TMEM30A: variants seen among roughly 807,000 people sequenced by gnomAD.
The protein encoded by TMEM30A is cell cycle control protein 50A.
A neutral mutation model predicts 38.2 loss-of-function variants in TMEM30A; 24 were observed. The ratio of observed to expected loss-of-function variants is 0.63; its 90% CI spans 0.46 to 0.88. The LOEUF (loss-of-function observed/expected upper bound fraction) is 0.88. TMEM30A is among the 40% of genes least tolerant of loss of function. The pLI is 0.00. For synonymous variants in TMEM30A, 145 were observed against 161.6 expected, an observed-to-expected ratio of 0.90 and a Z score of 0.78; for missense variants, 370 against 458.6, an observed-to-expected ratio of 0.81 and a Z score of 1.77.
At chr6:75,274,420 C>A (rs1489713769) in intron 1 of TMEM30A, among the ~76,000 whole-genome samples, 4 of 152,190 alleles carry the variant, frequency 2.6e-5, no homozygotes, top group African/African-American at 9.6e-5. Context: ...AACATTAAAA[C>A]TAGCCTCTCA....
At chr6:75,280,276 T>C (rs1436077610) in intron 1 of TMEM30A, among the ~76,000 whole-genome samples, 1 of 152,192 alleles carries the variant, frequency 6.6e-6, no homozygotes, top group African/African-American at 2.4e-5. Context: ...AATGCTAACT[T>C]TGCTGGTATG....
chr6:75,273,401 T>G lies in TMEM30A; in HGVS notation c.238-5653A>C, dbSNP rs543787308. ...ATGAATGCCTCTATGGTCCCAGCAA[T>G]GAGGATTCAGCCTAGCACCTGACCT... is the stretch of plus-strand genomic sequence containing the variant. On this transcript the variant is annotated intron_variant, in intron 1 of 6. Transcript: ENST00000230461. Among the ~76,000 whole-genome samples the G allele has an allele frequency of 5.6e-4, 85 of 151,808 alleles. 1 individual carries two copies. Among genetic ancestry groups the G allele is most frequent in the African/African-American group, 1.8e-3 (76 of 41,392 alleles).
intron 1 of TMEM30A, among the ~76,000 whole-genome samples, chr6:75,278,002 G>A (rs985238322): frequency 9.9e-5 from 15 of 152,032 alleles, no homozygotes; most frequent in African/African-American, 3.6e-4. Flanking sequence ...GGAAAAAAGA[G>A]GTTGAAGAAA....
Position 75,284,411 on chromosome 6 carries a change from G to A in TMEM30A, c.228C>T (p.Arg76=). The change falls in exon 1 of 7, where the codon CGC becomes CGT. Residue 76 remains arginine, a synonymous_variant. Transcript: ENST00000230461. ...AGCTCCCTCCCCTCACCTCGATCTCGCGGATGTTGTTGGAGGTGACAAAAA... is the reference window on the plus strand; with the variant it reads ...AGCTCCCTCCCCTCACCTCGATCTCACGGATGTTGTTGGAGGTGACAAAAA... ...IGIFVTSNNI[R]EIEIDYTGTE... The A allele has an allele frequency of 6.2e-7, 1 of 1,614,022 alleles. No individual in the cohort carries two copies.
chr6:75,284,571 G>T lies in TMEM30A; in HGVS notation c.68C>A (p.Ala23Glu). 6.2e-7 allele frequency: 1 copy of T among 1,613,332 alleles called. No individual in the cohort carries two copies. The highest frequency in any genetic ancestry group is 8.5e-7 in the Non-Finnish European group (1 of 1,179,654). ...CGTGTTATCCGGTCTCCGAGTCTTC[G>T]CGGTGCCCCCCGGAGCACACGGGGG... ...GGPPCAPGGT[A>E]KTRRPDNTAF... The change falls in exon 1 of 7, where the codon GCG becomes GAG. Residue 23 changes from alanine (A) to glutamate (E), a missense_variant. Physicochemically the swap from Ala to Glu is moderately radical, Grantham distance 107. Transcript: ENST00000230461.
intron 1 of TMEM30A, among the ~76,000 whole-genome samples, chr6:75,269,097 A>C (rs1475101911): frequency 2.6e-5 from 4 of 152,162 alleles, no homozygotes; most frequent in African/African-American, 9.7e-5. Context: ...AACTTCCCCC[A>C]CTATCAACAT....
rs1227031459 is a variant in TMEM30A at position 75,255,358 on chromosome 6, A to C, written c.*744T>G. 1.3e-5 allele frequency: 2 copies of C among 152,580 alleles called. No homozygotes were observed. The highest frequency in any genetic ancestry group is 2.9e-5 in the Non-Finnish European group (2 of 67,996). 9.5% of individuals were successfully genotyped at this position (152,580 alleles called of 1,614,324 possible). A position where few individuals can be genotyped will look rare whatever the true frequency, so the allele number is the denominator to read the frequency against. On this transcript the variant is annotated 3_prime_UTR_variant, in exon 7 of 7. Coordinates refer to ENST00000230461, the MANE Select transcript of TMEM30A (RefSeq NM_018247.4). The stretch of plus-strand genomic sequence containing the variant: ...TCTTCCCTTATAAAGTATAAGCTTC[A>C]AGGGAAATGATTACATATAAAAACA...
intron 2 of TMEM30A, 47 bp downstream of exon 2, chr6:75,267,594 A>AT (rs1297725812): frequency 7.1e-7 from 1 of 1,401,770 alleles, no homozygotes; most frequent in South Asian, 1.2e-5. Flanking sequence ...CAGTATCAGT[A>AT]TTTTTTAAAG....
intron 2 of TMEM30A, among the ~76,000 whole-genome samples, chr6:75,267,144 G>A (rs1160693345): frequency 6.6e-6 from 1 of 151,986 alleles, no homozygotes; most frequent in Non-Finnish European, 1.5e-5. Flanking sequence ...GCAAACAGAT[G>A]GATTTCTAAC....
chr6:75,267,285 T>C (rs1156954580), intron 2 of TMEM30A, among the ~76,000 whole-genome samples: 1 of 152,204 alleles, frequency 6.6e-6, no homozygotes, highest in Non-Finnish European at 1.5e-5. Flanking sequence ...AAAGCTTGCT[T>C]TAGTATCGTA....
intron 2 of TMEM30A, among the ~76,000 whole-genome samples, chr6:75,266,747 A>G (rs1158664907): frequency 6.6e-6 from 1 of 152,220 alleles, no homozygotes; most frequent in Non-Finnish European, 1.5e-5. Context: ...TGCCCATCAC[A>G]CTGAAAAATC....
chr6:75,259,410 T>C lies in TMEM30A; in HGVS notation c.622A>G (p.Thr208Ala), dbSNP rs765456714. 2.5e-6 allele frequency: 4 copies of C among 1,613,534 alleles called. No individual in the cohort carries two copies. The highest frequency in any genetic ancestry group is 1.3e-5 in the African/African-American group (1 of 74,924). ...TTTCTGAATTTCACATTTTTATCTG[T>C]CCACCAAGCAATACCTTTCTTTTTC... Reference protein sequence around the residue: ...ALKKKGIAWWTDKNVKFRNPP... With the variant: ...ALKKKGIAWWADKNVKFRNPP... The change falls in exon 5 of 7, where the codon ACA becomes GCA. Residue 208 changes from threonine (T) to alanine (A), a missense_variant. Transcript: ENST00000230461.
rs1007138039 is a variant in TMEM30A at position 75,254,545 on chromosome 6, TA to T, written c.*1556del. On this transcript the variant is annotated 3_prime_UTR_variant, in exon 7 of 7. Coordinates refer to ENST00000230461, the MANE Select transcript of TMEM30A (RefSeq NM_018247.4). ...TTTTAACTGAATTTCATATGTTATA[TA>T]AAACTTGAAAAGTGTGGCACATTTC... 3 of 152,136 alleles carry T rather than the reference TA, an allele frequency of 2.0e-5. No homozygotes were observed. The highest frequency in any genetic ancestry group is 7.2e-5 in the African/African-American group (3 of 41,448). 9.4% of individuals were successfully genotyped at this position (152,136 alleles called of 1,614,324 possible).
chr6:75,270,683 C>T (rs1349878101), intron 1 of TMEM30A, among the ~76,000 whole-genome samples: 2 of 152,196 alleles, frequency 1.3e-5, no homozygotes, highest in Non-Finnish European at 2.9e-5. Flanking sequence ...TGGAAGGTAT[C>T]ACCCAGCTGA....
chr6:75,276,967 G>A lies in TMEM30A; in HGVS notation c.237+7435C>T, dbSNP rs535162592. ...CATTCTTCCCTCACATATCAATATG[G>A]TTCACTCTCTTCCCTCTTTTGGTTC... On this transcript the variant is annotated intron_variant, in intron 1 of 6. Coordinates refer to ENST00000230461, the MANE Select transcript of TMEM30A (RefSeq NM_018247.4). Among the ~76,000 whole-genome samples the A allele has an allele frequency of 5.8e-4, 88 of 151,986 alleles. 1 individual carries two copies. Among genetic ancestry groups the A allele is most frequent in the African/African-American group, 1.9e-3 (79 of 41,388 alleles).
At chr6:75,267,292 C>T (rs754515675) in intron 2 of TMEM30A, among the ~76,000 whole-genome samples, 2 of 152,012 alleles carry the variant, frequency 1.3e-5, no homozygotes, top group Non-Finnish European at 2.9e-5. Flanking sequence ...GCTTTAGTAT[C>T]GTAAGTATGC....
chr6:75,273,286 CAA>C (rs1333473216), intron 1 of TMEM30A, among the ~76,000 whole-genome samples: 1 of 152,034 alleles, frequency 6.6e-6, no homozygotes, highest in Non-Finnish European at 1.5e-5. Flanking sequence ...ACAACATAAT[CAA>C]ATATTTGCAT....
At chr6:75,280,907 A>G (rs1168180510) in intron 1 of TMEM30A, among the ~76,000 whole-genome samples, 2 of 152,134 alleles carry the variant, frequency 1.3e-5, no homozygotes, top group African/African-American at 4.8e-5. Flanking sequence ...CTCCTTAAAA[A>G]TCTTATAATC....
At chr6:75,261,742 C>T (rs1771968259) in intron 3 of TMEM30A, among the ~76,000 whole-genome samples, 1 of 152,128 alleles carries the variant, frequency 6.6e-6, no homozygotes, top group South Asian at 2.1e-4. Flanking sequence ...TATTTCATTA[C>T]CAGCTAACCT....
Sources: gnomAD v4.1 joint callset for allele counts (sites outside exome capture counted in the v4.1 genomes callset) on GRCh38, gnomAD v4.1.1 for gene constraint, MANE v1.5 for transcripts, NCBI Gene and HGNC (gene_info 2026-07-23, HGNC 2026-07-21) for gene names.